Variants in NAE1 observed in about 807,000 individuals in gnomAD.
NAE1 encodes the protein NEDD8-activating enzyme E1 regulatory subunit.
In NAE1, 59 loss-of-function variants were observed where a neutral mutation model predicts 88.0. The observed-to-expected ratio is 0.67, with a 90% CI of 0.54 to 0.83. The LOEUF (loss-of-function observed/expected upper bound fraction) is 0.83, where lower values mean the gene tolerates loss of function less well. NAE1 is among the 40% of genes least tolerant of loss of function. NAE1 has a pLI of 0.00. For missense variants in NAE1, 554 were observed against 632.8 expected (o/e 0.88, Z 1.34); for synonymous variants, 186 against 208.9 (o/e 0.89, Z 0.95).
At chr16:66,815,638 GCCA>G (rs1464530265) in intron 11 of NAE1, among the ~76,000 whole-genome samples, 1 of 151,012 alleles carries the variant, frequency 6.6e-6, no homozygotes, top group Non-Finnish European at 1.5e-5. Context: ...ACAGGTGTGA[GCCA>G]CCACACCTGG....
At chr16:66,823,378 C>T (rs1960344172) in intron 5 of NAE1, 72 bp from the exon 6 acceptor site, 14 of 1,368,748 alleles carry the variant, frequency 1.0e-5, no homozygotes, top group Non-Finnish European at 1.2e-5. Context: ...ATGGCAGAGA[C>T]AGTTAAGCTA....
chr16:66,818,676 TAAAAA>T, intron 7 of NAE1, 39 bp from the exon 8 acceptor site: 1 of 1,209,438 alleles, frequency 8.3e-7, no homozygotes, highest in Non-Finnish European at 1.1e-6. Context: ...ATTTAACACT[TAAAAA>T]AAAAAAAGAG....
intron 19 of NAE1, among the ~76,000 whole-genome samples, chr16:66,803,982 C>T (rs961609037): frequency 4.6e-5 from 7 of 152,108 alleles, no homozygotes; most frequent in Non-Finnish European, 1.0e-4. Context: ...GATCCACTTA[C>T]CCTCATGCTA....
intron 1 of NAE1, among the ~76,000 whole-genome samples, chr16:66,827,733 T>C (rs924831162): frequency 6.6e-6 from 1 of 152,232 alleles, no homozygotes; most frequent in Non-Finnish European, 1.5e-5. Context: ...TAAAGTATAT[T>C]ACCCAATGAA....
chr16:66,830,319 T>C (rs1960642316), intron 1 of NAE1, among the ~76,000 whole-genome samples: 1 of 152,242 alleles, frequency 6.6e-6, no homozygotes, highest in African/African-American at 2.4e-5. Context: ...CTTTTTATAT[T>C]GTGTTGAAAT....
At chr16:66,824,920 G>C in intron 3 of NAE1, 35 bp from the exon 4 acceptor site, 1 of 1,575,830 alleles carries the variant, frequency 6.3e-7, no homozygotes. Flanking sequence ...AAAAAGTAAA[G>C]CTTACTGACT....
chr16:66,809,851 G>A (rs1158566248), intron 15 of NAE1, among the ~76,000 whole-genome samples: 1 of 152,120 alleles, frequency 6.6e-6, no homozygotes, highest in East Asian at 1.9e-4. Flanking sequence ...ACAACAGATT[G>A]GGTATTTTGA....
At chr16:66,811,784 A>G (rs16957004) in intron 13 of NAE1, among the ~76,000 whole-genome samples, 2,407 of 152,318 alleles carry the variant, frequency 0.016, 57 homozygotes, top group South Asian at 0.095. Context: ...ATGTAAGGTC[A>G]TACTTCTTTC....
At chr16:66,830,550 G>A (rs1276969528) in intron 1 of NAE1, among the ~76,000 whole-genome samples, 1 of 152,208 alleles carries the variant, frequency 6.6e-6, no homozygotes, top group Non-Finnish European at 1.5e-5. Flanking sequence ...TCCCCATTCG[G>A]AAAACGAGGA....
At chr16:66,824,704 C>T in intron 4 of NAE1, 151 bp downstream of exon 4, 1 of 654,168 alleles carries the variant, frequency 1.5e-6, no homozygotes, top group Non-Finnish European at 2.5e-6. Context: ...CTTAAACTAC[C>T]AAACATATGA....
chr16:66,823,520 CAT>C lies in NAE1; in HGVS notation c.321+7_321+8del. The C allele has an allele frequency of 6.2e-7, 1 of 1,603,040 alleles. No individual in the cohort carries two copies. The highest frequency in any genetic ancestry group is 8.5e-7 in the Non-Finnish European group (1 of 1,172,582). ...CAGCACAGACATAATAATGTGTGTACATATATACCTCTTCCACAAAACTTCCA... is the reference window on the plus strand; with the variant it reads ...CAGCACAGACATAATAATGTGTGTACATATACCTCTTCCACAAAACTTCCA... On this transcript the variant is annotated splice_region_variant and intron_variant, in intron 5 of 19. Coordinates refer to ENST00000290810, the MANE Select transcript of NAE1 (RefSeq NM_003905.4).
intron 11 of NAE1, among the ~76,000 whole-genome samples, chr16:66,816,356 G>A (rs538955961): frequency 7.9e-5 from 12 of 152,204 alleles, no homozygotes; most frequent in Non-Finnish European, 1.3e-4. Context: ...GTAGAGACGC[G>A]GTTTCACTAT....
chr16:66,828,537 T>C (rs1055546396), intron 1 of NAE1, among the ~76,000 whole-genome samples: 6 of 147,254 alleles, frequency 4.1e-5, no homozygotes, highest in African/African-American at 1.0e-4. Context: ...CAGGGTGAGA[T>C]AGTGTGTGTG....
chr16:66,827,973 A>T (rs371266259), intron 1 of NAE1: 110 of 1,611,628 alleles, frequency 6.8e-5, no homozygotes, highest in Non-Finnish European at 7.8e-5. Context: ...GGCACAAGCC[A>T]CTGTACCTGG....
Position 66,821,549 on chromosome 16 carries a change from G to A in NAE1, c.412C>T (p.Arg138Cys), listed in dbSNP as rs749265069. The A allele has an allele frequency of 8.9e-6, 14 of 1,580,030 alleles. No individual in the cohort carries two copies. The highest frequency in any genetic ancestry group is 4.5e-5 in the East Asian group (2 of 44,372). ...GAATTCCAGAGGACATCTGCTAAGC[G>A]TAGTGAAGTGCTGTTTAAAAAAAAA... ...ATQLPESTSLRLADVLWNSQI... is the reference protein window; with the variant it reads ...ATQLPESTSLCLADVLWNSQI... Residue 138 changes from arginine to cysteine, a missense_variant, in exon 7 of 20, where the codon CGC becomes TGC. Physicochemically the swap from Arg to Cys is radical, Grantham distance 180. Coordinates refer to ENST00000290810, the MANE Select transcript of NAE1 (RefSeq NM_003905.4).
chr16:66,823,349 T>C (rs764124252), intron 5 of NAE1, 43 bp from the exon 6 acceptor site: 2 of 1,487,004 alleles, frequency 1.3e-6, no homozygotes, highest in East Asian at 2.3e-5. Flanking sequence ...AAAAAACCAA[T>C]TTCACAATCA....
At chr16:66,818,713 T>C in intron 7 of NAE1, 76 bp from the exon 8 acceptor site, 2 of 1,474,384 alleles carry the variant, frequency 1.4e-6, no homozygotes, top group Admixed American at 4.9e-5. Context: ...CTTGCTGTAT[T>C]ACCCAGGCTG....
At chr16:66,808,727 T>C in intron 16 of NAE1, 114 bp from the exon 17 acceptor site, 1 of 808,074 alleles carries the variant, frequency 1.2e-6, no homozygotes, top group Non-Finnish European at 2.1e-6. Context: ...AGTCACACAA[T>C]CTCTACTGAA....
chr16:66,829,256 T>A (rs2145360665), intron 1 of NAE1, among the ~76,000 whole-genome samples: 1 of 152,294 alleles, frequency 6.6e-6, no homozygotes, highest in Admixed American at 6.5e-5. Flanking sequence ...TCAACTATCT[T>A]CTCAGCTCTG....
Sources: allele counts gnomAD v4.1 joint callset (sites outside exome capture counted in the v4.1 genomes callset), GRCh38; gene constraint gnomAD v4.1.1; transcripts MANE v1.5; gene names NCBI Gene and HGNC (gene_info 2026-07-23, HGNC 2026-07-21).